The following ARFGEF3 variants were observed in gnomAD, a reference collection of about 807,000 sequenced individuals.
ARFGEF3 encodes ARFGEF family member 3, also known as brefeldin A-inhibited guanine nucleotide-exchange protein 3.
ARFGEF3 carries 96 observed loss-of-function variants against 221.7 expected under a neutral mutation model. That is an observed-to-expected ratio of 0.43 (90% CI 0.37 to 0.51). ARFGEF3 has a LOEUF of 0.51. ARFGEF3 is among the 20% of genes least tolerant of loss of function. The pLI is 0.00. For synonymous variants in ARFGEF3, 1,145 were observed against 1,126.8 expected, an observed-to-expected ratio of 1.02 and a Z score of -0.32; for missense variants, 2,410 against 2,789.9, an observed-to-expected ratio of 0.86 and a Z score of 3.07.
chr6:138,229,974 GAATTTCCGCTAAGGA>G (rs1358990095), intron 5 of ARFGEF3, 122 bp downstream of exon 5: 3 of 803,134 alleles, frequency 3.7e-6, no homozygotes, highest in Non-Finnish European at 6.3e-6. Flanking sequence ...CTACCGTGGG[GAATTTCCGCTAAGGA>G]ATTGATCTGT....
chr6:138,292,201 A>G (rs1337093672), intron 19 of ARFGEF3, 148 bp downstream of exon 19: 2 of 732,746 alleles, frequency 2.7e-6, no homozygotes, highest in Non-Finnish European at 4.0e-6. Flanking sequence ...TCTCTCTACC[A>G]TTACATCCAT....
At chr6:138,336,231 C>A in intron 33 of ARFGEF3, 64 bp from the exon 34 acceptor site, 1 of 1,330,722 alleles carries the variant, frequency 7.5e-7, no homozygotes, top group Non-Finnish European at 1.0e-6. Context: ...GGCAGGGCCA[C>A]TCTCAAGTGT....
chr6:138,268,734 G>T (rs2114601387), intron 12 of ARFGEF3, among the ~76,000 whole-genome samples: 1 of 152,306 alleles, frequency 6.6e-6, no homozygotes, highest in South Asian at 2.1e-4. Context: ...TTGATCAAGG[G>T]TCATCGGCAC....
At position 138,308,195 on chromosome 6, in the gene ARFGEF3, C is replaced by T. The variant is rs569740389; in HGVS notation, c.3974-544C>T. On this transcript the variant is annotated intron_variant, in intron 23 of 33. Transcript: ENST00000251691. ...CAGGAAAGCAGGTGTTCACCATAAA[C>T]CGTATGGTTTGTATGAACAGTCTAG... 3.3e-5 allele frequency among the ~76,000 whole-genome samples: 5 copies of T among 152,248 alleles called. No homozygotes were observed. The East Asian group carries it at 9.7e-4, about 29-fold the overall frequency.
intron 2 of ARFGEF3, among the ~76,000 whole-genome samples, chr6:138,186,785 T>A (rs942556806): frequency 5.9e-5 from 9 of 152,106 alleles, no homozygotes; most frequent in African/African-American, 2.2e-4. Context: ...CACAAGTGTC[T>A]GAGCCAGGAT....
chr6:138,306,658 G>A (rs1169530160), intron 22 of ARFGEF3, among the ~76,000 whole-genome samples: 1 of 152,076 alleles, frequency 6.6e-6, no homozygotes, highest in Non-Finnish European at 1.5e-5. Context: ...ATAATCAATT[G>A]ATTTTTGATG....
rs1405418169 is a variant in ARFGEF3 at position 138,253,952 on chromosome 6, G to C, written c.738G>C (p.Met246Ile). 6.3e-7 allele frequency: 1 copy of C among 1,597,010 alleles called. No homozygotes were observed. Among genetic ancestry groups the C allele is most frequent in the East Asian group, 2.3e-5 (1 of 44,214 alleles). Residue 246 changes from methionine (M) to isoleucine (I), a missense_variant, in exon 9 of 34, where the codon ATG becomes ATC. By Grantham distance (10) the Met-to-Ile change is conservative. Around this residue, in one of 5 missense-constraint regions of ARFGEF3, gnomAD observed 570 missense variants for 586.9 expected, o/e 0.97. Coordinates refer to ENST00000251691, the MANE Select transcript of ARFGEF3 (RefSeq NM_020340.5). The stretch of plus-strand genomic sequence containing the variant: ...TGCTCAGCAGCTCCTCCTCCTCCAT[G>C]CACCTGCACAGGCGCTTCACGGACC... ...LSVLSSSSSS[M>I]HLHRRFTDLI...
intron 17 of ARFGEF3, 81 bp from the exon 18 acceptor site, chr6:138,289,737 C>T (rs1302734315): frequency 8.9e-6 from 13 of 1,453,628 alleles, no homozygotes; most frequent in Non-Finnish European, 1.2e-5. Flanking sequence ...TTTGCCCTTG[C>T]ATGACACACA....
chr6:138,200,218 T>C (rs530180953), intron 2 of ARFGEF3, among the ~76,000 whole-genome samples: 1 of 152,258 alleles, frequency 6.6e-6, no homozygotes, highest in Non-Finnish European at 1.5e-5. Flanking sequence ...GTATCCCTGG[T>C]ATGAAACCCA....
At position 138,339,042 on chromosome 6, in the gene ARFGEF3, A is replaced by G. The variant is rs1440783852; in HGVS notation, c.*2556A>G. 1 of 152,068 alleles carries G rather than the reference A, an allele frequency of 6.6e-6. No homozygotes were observed. The highest frequency in any genetic ancestry group is 6.6e-5 in the Admixed American group (1 of 15,254). The allele number at this position is 152,068 out of a possible 1,614,324, so 9.4% of individuals were successfully genotyped here. Reference sequence around the variant, plus strand: ...TTTAAGAGTGTTTTGGTACCTTCCCATTGTCTTCTCTATAACTCAGTCCTA... The same window carrying G: ...TTTAAGAGTGTTTTGGTACCTTCCCGTTGTCTTCTCTATAACTCAGTCCTA... On this transcript the variant is annotated 3_prime_UTR_variant, in exon 34 of 34. Transcript: ENST00000251691.
In ARFGEF3 at chr6:138,323,853, G is replaced by A. The variant is rs917120831; in HGVS notation, c.4869+80G>A. 4 of 1,550,802 alleles carry A rather than the reference G, an allele frequency of 2.6e-6. No individual in the cohort carries two copies. In the African/African-American group the frequency reaches 5.4e-5, roughly 21 times the overall value. ...TGATCCCTTACCATGTTGGGCACAT[G>A]GGTTCTGCCTCCTCTGAGCAGGCAG... On this transcript the variant is annotated intron_variant, in intron 30 of 33. Coordinates refer to ENST00000251691, the MANE Select transcript of ARFGEF3 (RefSeq NM_020340.5).
At position 138,293,438 on chromosome 6, in the gene ARFGEF3, G is replaced by C. The variant is rs187509135; in HGVS notation, c.3369-555G>C. Among the ~76,000 whole-genome samples the C allele has an allele frequency of 1.6e-3, 237 of 152,302 alleles. 5 individuals are homozygous for C. The highest frequency in any genetic ancestry group is 0.014 in the Admixed American group (207 of 15,304). Reference sequence around the variant, plus strand: ...AACCTGTAAGACCCATCATATTGGGGAACATTCTTTCTTCCAAATAGATAC... The same window carrying C: ...AACCTGTAAGACCCATCATATTGGGCAACATTCTTTCTTCCAAATAGATAC... On this transcript the variant is annotated intron_variant, in intron 19 of 33. Transcript: ENST00000251691.
chr6:138,181,472 C>T (rs1180176938), intron 2 of ARFGEF3, among the ~76,000 whole-genome samples: 3 of 152,188 alleles, frequency 2.0e-5, no homozygotes, highest in Admixed American at 2.0e-4. Context: ...CAGAGTCTCA[C>T]TCACTCTGTC....
chr6:138,326,010 C>T (rs1216515295), intron 31 of ARFGEF3, among the ~76,000 whole-genome samples: 1 of 152,062 alleles, frequency 6.6e-6, no homozygotes, highest in Non-Finnish European at 1.5e-5. Flanking sequence ...GTGTGCACCA[C>T]CACACCCAGC....
chr6:138,332,883 C>G (rs1780252370), intron 32 of ARFGEF3, among the ~76,000 whole-genome samples: 1 of 152,174 alleles, frequency 6.6e-6, no homozygotes, highest in Non-Finnish European at 1.5e-5. Context: ...TCAGTGAGGA[C>G]TACACAAAGG....
At chr6:138,321,551 C>G (rs945349266) in intron 29 of ARFGEF3, among the ~76,000 whole-genome samples, 1 of 152,138 alleles carries the variant, frequency 6.6e-6, no homozygotes, top group Non-Finnish European at 1.5e-5. Flanking sequence ...CTCATCCCAC[C>G]TAAAATAGCT....
At chr6:138,223,396 T>C (rs1047030297) in intron 4 of ARFGEF3, among the ~76,000 whole-genome samples, 2 of 152,202 alleles carry the variant, frequency 1.3e-5, no homozygotes, top group South Asian at 4.1e-4. Context: ...AGTCTGGCTT[T>C]GAAATGCGCC....
intron 25 of ARFGEF3, 114 bp from the exon 26 acceptor site, chr6:138,313,681 T>C: frequency 1.2e-6 from 1 of 816,808 alleles, no homozygotes. Flanking sequence ...AAATTTTCAA[T>C]GTCTAGTTTC....
intron 14 of ARFGEF3, among the ~76,000 whole-genome samples, chr6:138,281,906 T>C (rs1208281898): frequency 6.6e-6 from 1 of 152,158 alleles, no homozygotes; most frequent in Non-Finnish European, 1.5e-5. Context: ...TTGCCCTGGA[T>C]TGGCTCTGAG....
Sources: gnomAD v4.1 joint callset for allele counts (sites outside exome capture counted in the v4.1 genomes callset) on GRCh38, gnomAD v4.1.1 for gene constraint, gnomAD v4.1.1 regional missense constraint, MANE v1.5 for transcripts, NCBI Gene and HGNC (gene_info 2026-07-23, HGNC 2026-07-21) for gene names.